Variants in SDC3 observed in about 807,000 individuals in gnomAD.
The protein encoded by SDC3 is syndecan 3.
A neutral mutation model predicts 24.4 loss-of-function variants in SDC3; 13 were observed. The ratio of observed to expected loss-of-function variants is 0.53; its 90% CI spans 0.35 to 0.85. SDC3 has a LOEUF of 0.85. Ranked by LOEUF, SDC3 falls within the 40% of genes least tolerant of loss-of-function variation. The pLI, the probability that SDC3 is intolerant of heterozygous loss-of-function variation, is 0.01. For missense variants in SDC3, 571 were observed against 584.5 expected (o/e 0.98, Z 0.24); for synonymous variants, 295 against 260.9 (o/e 1.13, Z -1.26).
In SDC3 at chr1:30,873,259, C is replaced by G. The variant is rs748842401; in HGVS notation, c.1281G>C (p.Ala427=). 2 of 1,613,684 alleles carry G rather than the reference C, an allele frequency of 1.2e-6. No individual in the cohort carries two copies. The highest frequency in any genetic ancestry group is 2.7e-5 in the African/African-American group (2 of 75,026). ...TGTCAGGCTTCTGGTATGTGACGCT[C>G]GCCTGCTTGGGTTCCTCCAGCGTGT... ...GSYTLEEPKQ[A]SVTYQKPDKQ... The change falls in exon 5 of 5, where the codon GCG becomes GCC. Residue 427 remains alanine, a synonymous_variant. Transcript: ENST00000339394.
At chr1:30,886,127 T>C (rs1311738291) in intron 1 of SDC3, among the ~76,000 whole-genome samples, 1 of 128,302 alleles carries the variant, frequency 7.8e-6, no homozygotes, top group African/African-American at 3.0e-5. Flanking sequence ...ACCCCCATAC[T>C]CCTCCCACAC....
Position 30,876,690 on chromosome 1 carries a change from T to C in SDC3, c.732A>G (p.Pro244=). Reference sequence around the variant, plus strand: ...TAGCTGTGCTGACCAGCCTGGGTGTTGGGGCCTCGGTGTCCAAGACAGCCG... The same window carrying C: ...TAGCTGTGCTGACCAGCCTGGGTGTCGGGGCCTCGGTGTCCAAGACAGCCG... ...TTAAVLDTEA[P]TPRLVSTATS... is the part of the protein sequence containing the mutation. Residue 244 remains proline (P), a synonymous_variant, in exon 3 of 5, where the codon CCA becomes CCG. Transcript: ENST00000339394. 6.2e-7 allele frequency: 1 copy of C among 1,603,266 alleles called. No homozygotes were observed. The highest frequency in any genetic ancestry group is 1.1e-5 in the South Asian group (1 of 89,914).
intron 1 of SDC3, among the ~76,000 whole-genome samples, chr1:30,903,895 T>C (rs1051914486): frequency 1.3e-5 from 2 of 152,118 alleles, no homozygotes; most frequent in Admixed American, 6.5e-5. Flanking sequence ...AGTAAGTCAC[T>C]GAGCCTCTCT....
chr1:30,909,207 C>G (rs1045874016), upstream of SDC3, among the ~76,000 whole-genome samples: 1 of 152,204 alleles, frequency 6.6e-6, no homozygotes, highest in Non-Finnish European at 1.5e-5. Context: ...GCCAGTCCAC[C>G]CAGTGGGCCA....
chr1:30,879,122 G>A (rs551582396), intron 1 of SDC3: 189 of 184,176 alleles, frequency 1.0e-3, no homozygotes, highest in Non-Finnish European at 1.7e-3. Context: ...GTGAGCAGGC[G>A]AGGGCTGGAA....
At chr1:30,906,828 T>A (rs1001163099) in intron 1 of SDC3, among the ~76,000 whole-genome samples, 7 of 152,140 alleles carry the variant, frequency 4.6e-5, no homozygotes, top group Non-Finnish European at 1.0e-4. Context: ...TTTCAGAAAT[T>A]TGGCTGAGAA....
Position 30,873,074 on chromosome 1 carries a change from G to C in SDC3, c.*137C>G. The C allele has an allele frequency of 1.4e-6, 1 of 700,366 alleles. No homozygotes were observed. Among genetic ancestry groups the C allele is most frequent in the East Asian group, 2.5e-5 (1 of 40,372 alleles). 43.4% of individuals were successfully genotyped at this position (700,366 alleles called of 1,614,324 possible). On this transcript the variant is annotated 3_prime_UTR_variant, in exon 5 of 5. Transcript: ENST00000339394. Reference sequence around the variant, plus strand: ...AAGATCTGTGTGAGGCTGGCAGCCTGGGCAGACCTTGGGAGAGAGGGCAGA... The same window carrying C: ...AAGATCTGTGTGAGGCTGGCAGCCTCGGCAGACCTTGGGAGAGAGGGCAGA...
intron 1 of SDC3, among the ~76,000 whole-genome samples, chr1:30,889,053 A>G (rs1317425011): frequency 6.6e-6 from 1 of 152,214 alleles, no homozygotes. Flanking sequence ...TCCCCTCCAG[A>G]GGCCTGGGAG....
intron 1 of SDC3, among the ~76,000 whole-genome samples, chr1:30,902,110 G>A (rs542348487): frequency 1.3e-5 from 2 of 152,320 alleles, no homozygotes; most frequent in Non-Finnish European, 2.9e-5. Context: ...GCCAGGGGTG[G>A]GGAGAAGGCA....
intron 1 of SDC3, among the ~76,000 whole-genome samples, chr1:30,904,917 TG>T (rs1431033551): frequency 1.3e-5 from 2 of 152,192 alleles, no homozygotes; most frequent in East Asian, 3.8e-4. Flanking sequence ...CCTGTGAGGC[TG>T]ACACCATTAC....
rs116359435 is a variant in SDC3, at chr1:30,902,127, A to G, written c.138+6322T>C. Among the ~76,000 whole-genome samples, 225 of 152,328 alleles carry G rather than the reference A, an allele frequency of 1.5e-3. 1 individual carries two copies. Among genetic ancestry groups the G allele is most frequent in the African/African-American group, 4.8e-3 (198 of 41,570 alleles). ...CAGGGGTGGGGAGAAGGCAGGCCTCAGCCAGCTGGGGCAACAGGGGTTGTA... is the reference window on the plus strand; with the variant it reads ...CAGGGGTGGGGAGAAGGCAGGCCTCGGCCAGCTGGGGCAACAGGGGTTGTA... On this transcript the variant is annotated intron_variant, in intron 1 of 4. Transcript: ENST00000339394.
In SDC3 at chr1:30,907,895, C is replaced by T. The variant is rs555955664; in HGVS notation, c.138+554G>A. On this transcript the variant is annotated intron_variant, in intron 1 of 4. Coordinates refer to ENST00000339394, the MANE Select transcript of SDC3 (RefSeq NM_014654.4). ...CTGGGAAGAACCAAATGCACACCCT[C>T]CCCTCGGAAGGGGAACCGATCCGAT... 1.7e-4 allele frequency among the ~76,000 whole-genome samples: 26 copies of T among 152,350 alleles called. No individual in the cohort carries two copies. The South Asian group carries it at 4.6e-3, about 27-fold the overall frequency.
intron 1 of SDC3, among the ~76,000 whole-genome samples, chr1:30,895,656 A>G (rs773418638): frequency 7.9e-5 from 12 of 152,264 alleles, no homozygotes; most frequent in South Asian, 4.1e-4. Context: ...AGGGCAAGGA[A>G]CTAAAGAAGA....
rs149698780 is a variant in SDC3, at chr1:30,885,880, C to T, written c.139-7140G>A. The stretch of plus-strand genomic sequence containing the variant: ...GCCCACTCTGTCCCCTGTGCCTAGA[C>T]AGAAGCTGACAATGCAACCCTGGGA... On this transcript the variant is annotated intron_variant, in intron 1 of 4. Coordinates refer to ENST00000339394, the MANE Select transcript of SDC3 (RefSeq NM_014654.4). 1.5e-3 allele frequency among the ~76,000 whole-genome samples: 225 copies of T among 152,358 alleles called. 1 individual carries two copies. The highest frequency in any genetic ancestry group is 2.6e-3 in the Non-Finnish European group (177 of 68,028).
In SDC3 at chr1:30,871,403, A is replaced by G. The variant is rs3766286; in HGVS notation, c.*1808T>C. On this transcript the variant is annotated 3_prime_UTR_variant, in exon 5 of 5. Transcript: ENST00000339394. ...GCACACCCTCCCCAAAAGATCTGTG[A>G]CCCCACATTTAAAATACCGATGGAA... 0.23 allele frequency: 35,405 copies of G among 152,214 alleles called. 4,727 individuals carry two copies. Among genetic ancestry groups the G allele is most frequent in the African/African-American group, 0.35 (14,709 of 41,502 alleles). 9.4% of individuals were successfully genotyped at this position (152,214 alleles called of 1,614,324 possible). A position where few individuals can be genotyped will look rare whatever the true frequency, so the allele number is the denominator to read the frequency against.
chr1:30,873,435 G>A (rs1639577198), intron 4 of SDC3, 58 bp from the exon 5 acceptor site: 2 of 1,327,438 alleles, frequency 1.5e-6, no homozygotes, highest in Admixed American at 3.5e-5. Flanking sequence ...CAGGGCAAAG[G>A]GTCCTCAGGG....
rs187223046 is a variant in SDC3 at position 30,897,424 on chromosome 1, G to A, written c.138+11025C>T. Among the ~76,000 whole-genome samples, 5 of 152,272 alleles carry A rather than the reference G, an allele frequency of 3.3e-5. No homozygotes were observed. The East Asian group carries it at 7.7e-4, about 24-fold the overall frequency. On this transcript the variant is annotated intron_variant, in intron 1 of 4. Coordinates refer to ENST00000339394, the MANE Select transcript of SDC3 (RefSeq NM_014654.4). Reference sequence around the variant, plus strand: ...AAGAGTATTTTCAAGGGCCCTTCCAGCTGAAATCCTCTCCAGCCATCTGAT... The same window carrying A: ...AAGAGTATTTTCAAGGGCCCTTCCAACTGAAATCCTCTCCAGCCATCTGAT...
At chr1:30,896,388 C>T (rs1016857132) in intron 1 of SDC3, among the ~76,000 whole-genome samples, 6 of 152,024 alleles carry the variant, frequency 3.9e-5, no homozygotes, top group African/African-American at 1.5e-4. Flanking sequence ...CATAATTGGG[C>T]TTGGCAAAGA....
upstream of SDC3, among the ~76,000 whole-genome samples, chr1:30,909,635 C>T (rs890409139): frequency 2.0e-5 from 3 of 152,180 alleles, no homozygotes; most frequent in African/African-American, 7.2e-5. Context: ...TCTCCAATGG[C>T]GTGTTAGCTC....
Sources: allele counts gnomAD v4.1 joint callset (sites outside exome capture counted in the v4.1 genomes callset), GRCh38; gene constraint gnomAD v4.1.1; transcripts MANE v1.5; gene names NCBI Gene and HGNC (gene_info 2026-07-23, HGNC 2026-07-21).